Variants in ARHGAP18 observed in about 807,000 individuals in gnomAD.
The protein encoded by ARHGAP18 is Rho GTPase activating protein 18.
Under a neutral mutation model 86.2 loss-of-function variants are expected in ARHGAP18, and 67 were observed. That is an observed-to-expected ratio of 0.78 (90% CI 0.64 to 0.95). The LOEUF is 0.95. ARHGAP18 is among the 40% of genes least tolerant of loss of function. The pLI, the probability that ARHGAP18 is intolerant of heterozygous loss-of-function variation, is 0.00. For synonymous variants in ARHGAP18, 283 were observed against 280.4 expected (o/e 1.01, Z -0.09); for missense variants, 691 against 780.4 (o/e 0.89, Z 1.37).
At chr6:129,658,751 A>G (rs1309618803) in intron 1 of ARHGAP18, among the ~76,000 whole-genome samples, 2 of 152,146 alleles carry the variant, frequency 1.3e-5, no homozygotes, top group African/African-American at 4.8e-5. Flanking sequence ...CAAAAACACA[A>G]CTTGAACTGA....
At chr6:129,592,579 A>G (rs917966503) in intron 12 of ARHGAP18, among the ~76,000 whole-genome samples, 2 of 152,200 alleles carry the variant, frequency 1.3e-5, no homozygotes, top group East Asian at 1.9e-4. Flanking sequence ...ACCCTATGAG[A>G]GAAAGCCTTT....
chr6:129,661,844 C>T (rs1773959003), intron 1 of ARHGAP18: 4 of 985,052 alleles, frequency 4.1e-6, no homozygotes, highest in South Asian at 4.7e-5. Flanking sequence ...CACCAGCTCA[C>T]CCAGCGAACA....
chr6:129,675,956 G>A (rs1199525405), intron 1 of ARHGAP18, among the ~76,000 whole-genome samples: 1 of 152,124 alleles, frequency 6.6e-6, no homozygotes, highest in Non-Finnish European at 1.5e-5. Flanking sequence ...GATCAATAAG[G>A]GGCCACTGGG....
intron 9 of ARHGAP18, among the ~76,000 whole-genome samples, chr6:129,606,272 T>C (rs549915238): frequency 3.2e-4 from 49 of 152,298 alleles, no homozygotes; most frequent in Admixed American, 6.5e-4. Context: ...TATTCCCCAA[T>C]GAAAAGACAT....
Position 129,618,771 on chromosome 6 carries a change from A to C in ARHGAP18, c.868T>G (p.Leu290Val), listed in dbSNP as rs768513372. 1 of 1,613,792 alleles carries C rather than the reference A, an allele frequency of 6.2e-7. No homozygotes were observed. Among genetic ancestry groups the C allele is most frequent in the Admixed American group, 1.7e-5 (1 of 60,018 alleles). The change falls in exon 6 of 15, where the codon TTA (leucine) becomes GTA (valine). Residue 290 changes from leucine to valine, a missense_variant. Transcript: ENST00000368149. ...AGGGCAGTCAGCTCAATTAGGGCTA[A>C]ATGGCAAACTTTCTTCATGTCCTGG... Reference protein sequence around the residue: ...APQDMKKVCHLALIELTALYD... With the variant: ...APQDMKKVCHVALIELTALYD...
chr6:129,664,528 G>A (rs1774006061), intron 1 of ARHGAP18, among the ~76,000 whole-genome samples: 1 of 152,032 alleles, frequency 6.6e-6, no homozygotes, highest in Non-Finnish European at 1.5e-5. Flanking sequence ...GAAATGTGGT[G>A]TCTTAGGAGT....
rs1289696453 is a variant in ARHGAP18 at position 129,583,877 on chromosome 6, C to T, written c.1838+111G>A. On this transcript the variant is annotated intron_variant, in intron 13 of 14. Transcript: ENST00000368149. ...AATATTTTTAAGCATTTCATACTAC[C>T]CCACAATTAAAACAAAAAAAAAAAA... 3.7e-6 allele frequency: 5 copies of T among 1,367,232 alleles called. No homozygotes were observed. The African/African-American group carries it at 5.9e-5, about 16-fold the overall frequency. 84.7% of individuals were successfully genotyped at this position (1,367,232 alleles called of 1,614,324 possible).
chr6:129,591,272 A>G (rs1788506948), intron 12 of ARHGAP18, among the ~76,000 whole-genome samples: 1 of 152,198 alleles, frequency 6.6e-6, no homozygotes, highest in Non-Finnish European at 1.5e-5. Flanking sequence ...ACACAGTATG[A>G]TCTTTATAAC....
At position 129,625,037 on chromosome 6, in the gene ARHGAP18, T is replaced by TA. The variant is rs1554335920; in HGVS notation, c.786+4315_786+4316insT. On this transcript the variant is annotated intron_variant, in intron 5 of 14. Coordinates refer to ENST00000368149, the MANE Select transcript of ARHGAP18 (RefSeq NM_033515.3). The stretch of plus-strand genomic sequence containing the variant: ...AATATATATGATATATGATATATAT[T>TA]TATATAATATATATGATTGATATAT... 9.8e-4 allele frequency among the ~76,000 whole-genome samples: 57 copies of TA among 58,374 alleles called. 2 individuals carry two copies. The highest frequency in any genetic ancestry group is 2.4e-3 in the South Asian group (6 of 2,548). 38.3% of individuals were successfully genotyped at this position (58,374 alleles called of 152,430 possible). A position where few individuals can be genotyped will look rare whatever the true frequency, so the allele number is the denominator to read the frequency against.
intron 1 of ARHGAP18, among the ~76,000 whole-genome samples, chr6:129,705,646 C>T (rs1480791833): frequency 5.3e-5 from 8 of 152,098 alleles, no homozygotes; most frequent in South Asian, 2.1e-4. Flanking sequence ...TTCAGAAAAA[C>T]GCTTCTGAAA....
At chr6:129,671,101 T>C (rs1774133399) in intron 1 of ARHGAP18, among the ~76,000 whole-genome samples, 1 of 152,202 alleles carries the variant, frequency 6.6e-6, no homozygotes, top group Non-Finnish European at 1.5e-5. Flanking sequence ...TAATACCTAT[T>C]TTATAATCTT....
intron 1 of ARHGAP18, among the ~76,000 whole-genome samples, chr6:129,686,556 C>T (rs1335155032): frequency 2.6e-5 from 4 of 152,182 alleles, no homozygotes; most frequent in Non-Finnish European, 4.4e-5. Flanking sequence ...CACAGGGCAC[C>T]GACTTCTTCA....
intron 1 of ARHGAP18, among the ~76,000 whole-genome samples, chr6:129,665,213 C>G (rs1440695126): frequency 6.6e-6 from 1 of 152,190 alleles, no homozygotes; most frequent in Admixed American, 6.5e-5. Context: ...CACATTCTAA[C>G]CAATGACAAT....
At chr6:129,669,754 C>T (rs890441864) in intron 1 of ARHGAP18, among the ~76,000 whole-genome samples, 2 of 151,012 alleles carry the variant, frequency 1.3e-5, no homozygotes, top group African/African-American at 4.9e-5. Context: ...CACTGCACTC[C>T]AGCCTGGGGA....
chr6:129,625,048 ATATGAT>A (rs1237372761), intron 5 of ARHGAP18, among the ~76,000 whole-genome samples: 28 of 78,594 alleles, frequency 3.6e-4, no homozygotes, highest in South Asian at 1.3e-3. Flanking sequence ...TATATAATAT[ATATGAT>A]TGATATATAT....
intron 1 of ARHGAP18, among the ~76,000 whole-genome samples, chr6:129,698,542 T>C (rs1213101954): frequency 2.0e-5 from 3 of 151,986 alleles, no homozygotes; most frequent in African/African-American, 7.2e-5. Context: ...ACTTTTTTTT[T>C]TTTTTTTGGG....
At chr6:129,629,630 C>A in intron 4 of ARHGAP18, 108 bp from the exon 5 acceptor site, 1 of 1,122,560 alleles carries the variant, frequency 8.9e-7, no homozygotes, top group Non-Finnish European at 1.2e-6. Flanking sequence ...ACTATTTTCT[C>A]TAGGCAATAC....
At chr6:129,642,774 AT>A (rs1311863356) in intron 1 of ARHGAP18, among the ~76,000 whole-genome samples, 1 of 152,180 alleles carries the variant, frequency 6.6e-6, no homozygotes, top group African/African-American at 2.4e-5. Context: ...CACTATTTGA[AT>A]TTCCATTTTA....
chr6:129,677,276 T>C (rs1217759185), intron 1 of ARHGAP18, among the ~76,000 whole-genome samples: 2 of 151,938 alleles, frequency 1.3e-5, no homozygotes, highest in Non-Finnish European at 2.9e-5. Flanking sequence ...GCCTGTAGTC[T>C]CAGCTACTGA....
Sources: gnomAD v4.1 joint callset for allele counts (sites outside exome capture counted in the v4.1 genomes callset) on GRCh38, gnomAD v4.1.1 for gene constraint, MANE v1.5 for transcripts, NCBI Gene and HGNC (gene_info 2026-07-23, HGNC 2026-07-21) for gene names.